The following CORO2B variants were observed in gnomAD, a reference collection of about 807,000 sequenced individuals.
The protein encoded by CORO2B is coronin-2B.
CORO2B carries 26 observed loss-of-function variants against 58.8 expected under a neutral mutation model. The ratio of observed to expected loss-of-function variants is 0.44; its 90% CI spans 0.32 to 0.61. The LOEUF (loss-of-function observed/expected upper bound fraction) is 0.61, where lower values mean the gene tolerates loss of function less well. Ranked by LOEUF, CORO2B falls within the 20% of genes least tolerant of loss-of-function variation. The pLI, the probability that CORO2B is intolerant of heterozygous loss-of-function variation, is 0.04. For synonymous variants in CORO2B, 242 were observed against 253.8 expected (o/e 0.95, Z 0.44); for missense variants, 460 against 645.1 (o/e 0.71, Z 3.11).
At chr15:68,529,366 TAACACAAAC>T in the CORO2B span, among the ~76,000 whole-genome samples, 2 of 152,210 alleles carry the variant, frequency 1.3e-5, no homozygotes, top group African/African-American at 4.8e-5. Context: ...TCACAATAGG[TAACACAAAC>T]AACTCTAAAG....
At chr15:68,700,481 G>A (rs140738691) in intron 3 of CORO2B, among the ~76,000 whole-genome samples, 2,262 of 152,084 alleles carry the variant, frequency 0.015, 27 homozygotes, top group South Asian at 0.025. Context: ...ATCAATCCCC[G>A]TCCCCCAGGA....
chr15:68,573,691 C>T, the CORO2B span, among the ~76,000 whole-genome samples: 2 of 152,104 alleles, frequency 1.3e-5, no homozygotes, highest in African/African-American at 2.4e-5. Context: ...AGGAGAGACC[C>T]GAAGCTGACT....
At chr15:68,643,246 T>C (rs1901315047) in intron 1 of CORO2B, among the ~76,000 whole-genome samples, 1 of 151,026 alleles carries the variant, frequency 6.6e-6, no homozygotes, top group Non-Finnish European at 1.5e-5. Context: ...GAGGAGCCAG[T>C]GCTTGGGGAA....
At chr15:68,664,579 A>G (rs1902125954) in intron 2 of CORO2B, among the ~76,000 whole-genome samples, 1 of 152,092 alleles carries the variant, frequency 6.6e-6, no homozygotes, top group South Asian at 2.1e-4. Context: ...CCCGGGAGGC[A>G]GATCTTGCAG....
intron 2 of CORO2B, among the ~76,000 whole-genome samples, chr15:68,669,484 A>G (rs549871956): frequency 6.6e-6 from 1 of 152,290 alleles, no homozygotes; most frequent in African/African-American, 2.4e-5. Flanking sequence ...TCTCTGACTG[A>G]AATTGCAGTA....
At chr15:68,520,892 T>C in the CORO2B span, among the ~76,000 whole-genome samples, 27 of 151,800 alleles carry the variant, frequency 1.8e-4, no homozygotes, top group Non-Finnish European at 3.5e-4. Context: ...CTGAAAAAAA[T>C]ACAAAAATTA....
intron 1 of CORO2B, among the ~76,000 whole-genome samples, chr15:68,594,215 CA>C (rs1433248824): frequency 6.6e-6 from 1 of 152,244 alleles, no homozygotes; most frequent in African/African-American, 2.4e-5. Context: ...GAAGGCTCTG[CA>C]CCCTCTTCCC....
chr15:68,614,403 T>C (rs1900306292), intron 1 of CORO2B, among the ~76,000 whole-genome samples: 1 of 152,182 alleles, frequency 6.6e-6, no homozygotes, highest in South Asian at 2.1e-4. Context: ...CCTCTCTTAT[T>C]CTTCTTTATT....
At chr15:68,636,954 G>T (rs185485280) in intron 1 of CORO2B, among the ~76,000 whole-genome samples, 1 of 152,310 alleles carries the variant, frequency 6.6e-6, no homozygotes, top group Admixed American at 6.5e-5. Flanking sequence ...GTCTAACTGA[G>T]GAGGAGTTTT....
At chr15:68,681,228 T>A (rs28609769) in intron 2 of CORO2B, among the ~76,000 whole-genome samples, 137 of 2,644 alleles carry the variant, frequency 0.052, no homozygotes, top group East Asian at 0.47. Flanking sequence ...AAAAAAAAAT[T>A]TTTTTTTGGA....
the CORO2B span, among the ~76,000 whole-genome samples, chr15:68,541,109 C>T: frequency 3.3e-5 from 5 of 151,912 alleles, no homozygotes; most frequent in African/African-American, 9.7e-5. Context: ...GTAGTGTGTG[C>T]CTATAGTCAC....
chr15:68,624,874 G>C (rs934945511), intron 1 of CORO2B, among the ~76,000 whole-genome samples: 6 of 152,174 alleles, frequency 3.9e-5, no homozygotes, highest in Non-Finnish European at 7.4e-5. Flanking sequence ...GTAAAGATAG[G>C]GTTTTGCCAT....
chr15:68,626,935 T>C (rs1045859352), intron 1 of CORO2B, among the ~76,000 whole-genome samples: 1 of 152,102 alleles, frequency 6.6e-6, no homozygotes, highest in African/African-American at 2.4e-5. Context: ...ACTGAGTCAC[T>C]CATCAATGGC....
intron 1 of CORO2B, among the ~76,000 whole-genome samples, chr15:68,643,736 G>C (rs904889583): frequency 1.3e-5 from 2 of 152,146 alleles, no homozygotes; most frequent in Non-Finnish European, 2.9e-5. Context: ...CTCATGGCTT[G>C]ATTTAAATCA....
chr15:68,664,392 A>G (rs1171199822), intron 2 of CORO2B, among the ~76,000 whole-genome samples: 2 of 152,190 alleles, frequency 1.3e-5, no homozygotes, highest in Non-Finnish European at 2.9e-5. Flanking sequence ...TCACGCTTGT[A>G]ATCCCAGCAC....
At chr15:68,533,434 A>G in the CORO2B span, among the ~76,000 whole-genome samples, 3 of 152,212 alleles carry the variant, frequency 2.0e-5, no homozygotes, top group African/African-American at 7.2e-5. Flanking sequence ...TATATGTGCA[A>G]AATTGTTAGC....
At chr15:68,622,688 G>A (rs1900561467) in intron 1 of CORO2B, among the ~76,000 whole-genome samples, 1 of 152,184 alleles carries the variant, frequency 6.6e-6, no homozygotes, top group African/African-American at 2.4e-5. Context: ...TTCATTCATA[G>A]ATATTTGCTG....
intron 2 of CORO2B, among the ~76,000 whole-genome samples, chr15:68,684,999 T>C (rs1234773878): frequency 6.6e-6 from 1 of 152,102 alleles, no homozygotes; most frequent in African/African-American, 2.4e-5. Flanking sequence ...CAGCACACAG[T>C]GAGGGAAAGT....
At chr15:68,575,731 C>T (rs1899272314), upstream of CORO2B, among the ~76,000 whole-genome samples, 1 of 152,094 alleles carries the variant, frequency 6.6e-6, no homozygotes, top group Admixed American at 6.6e-5. Flanking sequence ...CTGTGATCAC[C>T]TTCCAATTAA....
Sources: allele counts gnomAD v4.1 joint callset (sites outside exome capture counted in the v4.1 genomes callset), GRCh38; gene constraint gnomAD v4.1.1; transcripts MANE v1.5; gene names NCBI Gene and HGNC (gene_info 2026-07-23, HGNC 2026-07-21).